Variants in IGSF10 observed in about 807,000 individuals in gnomAD.
The protein encoded by IGSF10 is immunoglobulin superfamily member 10.
In IGSF10, 126 loss-of-function variants were observed where a neutral mutation model predicts 128.2. The ratio of observed to expected loss-of-function variants is 0.98; its 90% CI spans 0.85 to 1.14. IGSF10 has a LOEUF of 1.14. Ranked by LOEUF, IGSF10 falls within the 50% of genes most tolerant of loss-of-function variation. The probability of loss-of-function intolerance (pLI) is 0.00; values close to 1 mark genes in which losing one functional copy is unlikely to be tolerated. For missense variants in IGSF10, 3,295 were observed against 3,149.8 expected (o/e 1.05, Z -1.10); for synonymous variants, 1,185 against 1,146.2 (o/e 1.03, Z -0.68).
At chr3:151,551,696 CACACAT>C in the IGSF10 span, among the ~76,000 whole-genome samples, 1 of 146,650 alleles carries the variant, frequency 6.8e-6, no homozygotes, top group Admixed American at 6.8e-5. Context: ...CACACACACA[CACACAT>C]CTGAAGGCAT....
chr3:151,581,609 C>A, the IGSF10 span, among the ~76,000 whole-genome samples: 1 of 152,180 alleles, frequency 6.6e-6, no homozygotes, highest in Non-Finnish European at 1.5e-5. Context: ...TTTTTCTTCC[C>A]ACTGCTAGAA....
downstream of IGSF10, chr3:151,434,724 T>C (rs923751292): frequency 2.0e-5 from 3 of 152,226 alleles, no homozygotes; most frequent in African/African-American, 7.2e-5. Context: ...TTTCCAAATT[T>C]CTTTGCCAGT....
the IGSF10 span, among the ~76,000 whole-genome samples, chr3:151,501,629 G>C: frequency 1.3e-5 from 2 of 152,006 alleles, no homozygotes; most frequent in Non-Finnish European, 2.9e-5. Flanking sequence ...TGAGTTGGTG[G>C]TTTGGCCAAA....
chr3:151,499,388 T>A, the IGSF10 span, among the ~76,000 whole-genome samples: 1 of 152,128 alleles, frequency 6.6e-6, no homozygotes. Context: ...AAAAAACACG[T>A]GGCATTACAC....
At chr3:151,602,223 G>A in the IGSF10 span, among the ~76,000 whole-genome samples, 1 of 152,112 alleles carries the variant, frequency 6.6e-6, no homozygotes, top group African/African-American at 2.4e-5. Context: ...TAGAGCATTC[G>A]ATATCATTAC....
intron 7 of IGSF10, among the ~76,000 whole-genome samples, chr3:151,439,568 C>G (rs1289742262): frequency 6.7e-6 from 1 of 149,194 alleles, no homozygotes; most frequent in Admixed American, 6.6e-5. Context: ...GAGCCGAGAT[C>G]ACACCACTAC....
At chr3:151,501,619 T>C in the IGSF10 span, among the ~76,000 whole-genome samples, 1 of 152,098 alleles carries the variant, frequency 6.6e-6, no homozygotes, top group African/African-American at 2.4e-5. Flanking sequence ...TGAGAAATGC[T>C]GAGTTGGTGG....
chr3:151,457,649 G>A (rs1721858952), intron 3 of IGSF10, among the ~76,000 whole-genome samples: 1 of 152,110 alleles, frequency 6.6e-6, no homozygotes, highest in Non-Finnish European at 1.5e-5. Flanking sequence ...GGTAAAATCA[G>A]CAGGCTTTCT....
the IGSF10 span, among the ~76,000 whole-genome samples, chr3:151,515,739 G>C: frequency 6.7e-6 from 1 of 150,174 alleles, no homozygotes; most frequent in African/African-American, 2.5e-5. Context: ...GTGTGTGTGT[G>C]TGTGTGTGTG....
In IGSF10 at chr3:151,445,583, C is replaced by T. The variant is rs763231595; in HGVS notation, c.4398G>A (p.Leu1466=). Residue 1466 remains leucine, a synonymous_variant, in exon 6 of 8, where the codon TTG becomes TTA. Transcript: ENST00000282466. ...IIRHSTIPPF[L]SSSATLMPVP... is the part of the protein sequence containing the mutation. ...CTGGCATTAGAGTAGCACTGCTGCT[C>T]AAGAATGGTGGTATGGTTGAGTGTC... 7 of 1,614,120 alleles carry T rather than the reference C, an allele frequency of 4.3e-6. No homozygotes were observed. The South Asian group carries it at 7.7e-5, about 18-fold the overall frequency.
chr3:151,483,336 G>C, the IGSF10 span, among the ~76,000 whole-genome samples: 6 of 152,278 alleles, frequency 3.9e-5, no homozygotes, highest in African/African-American at 1.4e-4. Context: ...TTCATTATGT[G>C]ACAGAGTTAT....
At chr3:151,608,369 GTT>G in the IGSF10 span, among the ~76,000 whole-genome samples, 1 of 152,178 alleles carries the variant, frequency 6.6e-6, no homozygotes, top group Non-Finnish European at 1.5e-5. Context: ...ATGGAACTGA[GTT>G]TGCATAAAAC....
chr3:151,597,128 A>G, the IGSF10 span, among the ~76,000 whole-genome samples: 1 of 152,204 alleles, frequency 6.6e-6, no homozygotes, highest in African/African-American at 2.4e-5. Flanking sequence ...AGAATAGTGA[A>G]GTAGTACCAA....
chr3:151,512,601 A>T, the IGSF10 span, among the ~76,000 whole-genome samples: 1 of 152,212 alleles, frequency 6.6e-6, no homozygotes, highest in African/African-American at 2.4e-5. Context: ...AAGGCAAGAA[A>T]TAACTAAAAT....
At chr3:151,569,900 C>G in the IGSF10 span, among the ~76,000 whole-genome samples, 2 of 147,420 alleles carry the variant, frequency 1.4e-5, no homozygotes, top group South Asian at 2.2e-4. Flanking sequence ...CACCCCATGA[C>G]AAGCCCCAGT....
At position 151,447,588 on chromosome 3, in the gene IGSF10, C is replaced by T. The variant is rs1227936972; in HGVS notation, c.2393G>A (p.Gly798Asp). Residue 798 changes from glycine (G) to aspartate (D), a missense_variant, in exon 6 of 8, where the codon GGC becomes GAC. Coordinates refer to ENST00000282466, the MANE Select transcript of IGSF10 (RefSeq NM_178822.5). ...AAATTCCTCATGTAGAGCGAGCATG[C>T]CTGAGGAATCGTCTTCTTCACCAGG... is the stretch of plus-strand genomic sequence containing the variant. ...NIPGEEDDSS[G>D]MLALHEEFMV... 1.2e-6 allele frequency: 2 copies of T among 1,614,018 alleles called. No individual in the cohort carries two copies. The highest frequency in any genetic ancestry group is 1.7e-5 in the Admixed American group (1 of 59,994).
At chr3:151,518,721 T>G in the IGSF10 span, among the ~76,000 whole-genome samples, 81 of 152,106 alleles carry the variant, frequency 5.3e-4, no homozygotes, top group African/African-American at 1.9e-3. Context: ...AATATAAATA[T>G]TTCCTATGTA....
chr3:151,599,348 G>T, the IGSF10 span, among the ~76,000 whole-genome samples: 13 of 152,110 alleles, frequency 8.5e-5, 1 homozygote, highest in South Asian at 2.3e-3. Flanking sequence ...GGGTTAAGGA[G>T]CCTAGCTTTT....
chr3:151,528,671 A>G, the IGSF10 span, among the ~76,000 whole-genome samples: 1 of 152,172 alleles, frequency 6.6e-6, no homozygotes, highest in Non-Finnish European at 1.5e-5. Flanking sequence ...GTACCCAGAT[A>G]TATGCTTTTC....
Sources: allele counts gnomAD v4.1 joint callset (sites outside exome capture counted in the v4.1 genomes callset), GRCh38; gene constraint gnomAD v4.1.1; transcripts MANE v1.5; gene names NCBI Gene and HGNC (gene_info 2026-07-23, HGNC 2026-07-21).